Variants in GANAB observed in about 807,000 individuals in gnomAD.
GANAB encodes the protein neutral alpha-glucosidase AB.
A neutral mutation model predicts 129.9 loss-of-function variants in GANAB; 35 were observed. The ratio of observed to expected loss-of-function variants is 0.27; its 90% confidence interval spans 0.21 to 0.36. The LOEUF is 0.36. GANAB is among the 10% of genes least tolerant of loss of function. GANAB has a pLI of 1.00. For synonymous variants in GANAB, 482 were observed against 451.8 expected (o/e 1.07, Z -0.85); for missense variants, 939 against 1,221.0 (o/e 0.77, Z 3.44).
chr11:62,639,376 T>C lies in GANAB; in HGVS notation c.235A>G (p.Ile79Val), dbSNP rs753868306. ...LGPDSLTVHL[I>V]HEVTKVLLVL... ...CTCCTGACCTTGGTGACCTCATGGA[T>C]CAGATGGACCGTGAGGGAATCAGGA... The change falls in exon 3 of 24, where the codon ATC (isoleucine) becomes GTC (valine). Residue 79 changes from isoleucine (I) to valine (V), a missense_variant. This residue lies in a region of GANAB where 321 missense variants were observed against 329.1 expected (regional missense o/e 0.98). Transcript: ENST00000356638. 1 of 1,607,208 alleles carries C rather than the reference T, an allele frequency of 6.2e-7. No homozygotes were observed. The highest frequency in any genetic ancestry group is 2.2e-5 in the East Asian group (1 of 44,772).
chr11:62,630,915 A>C, intron 10 of GANAB, 79 bp from the exon 11 acceptor site: 1 of 1,476,192 alleles, frequency 6.8e-7, no homozygotes, highest in Non-Finnish European at 9.4e-7. Flanking sequence ...TGTGAACTAG[A>C]GGCAGGCTGA....
intron 18 of GANAB, 55 bp from the exon 19 acceptor site, chr11:62,627,179 A>G (rs1249765503): frequency 6.7e-7 from 1 of 1,503,510 alleles, no homozygotes; most frequent in Non-Finnish European, 9.3e-7. Flanking sequence ...AGAACAGGGA[A>G]CACCAAAGTG....
chr11:62,627,404 T>C, intron 17 of GANAB, 51 bp from the exon 18 acceptor site: 1 of 975,132 alleles, frequency 1.0e-6, no homozygotes, highest in South Asian at 1.3e-5. Flanking sequence ...TTGGCACAAG[T>C]CAGAAATGCT....
chr11:62,625,965 G>A, intron 23 of GANAB, 41 bp from the exon 24 acceptor site: 2 of 1,468,160 alleles, frequency 1.4e-6, no homozygotes, highest in Non-Finnish European at 1.9e-6. Context: ...ATACCAATGG[G>A]CTATAGCATA....
In GANAB at chr11:62,633,468, C is replaced by G. The variant is rs2134496880; in HGVS notation, c.607G>C (p.Glu203Gln). 2.5e-6 allele frequency: 4 copies of G among 1,614,040 alleles called. No homozygotes were observed. The highest frequency in any genetic ancestry group is 3.4e-6 in the Non-Finnish European group (4 of 1,180,030). ...GCCTTGTCGCCATCCCTGGGTGTTT[C>G]CTCAGGCTGGGCCCCATCGCCCTCA... is the stretch of plus-strand genomic sequence containing the variant. ...PAEGDGAQPE[E>Q]TPRDGDKPEE... Residue 203 changes from glutamate (E) to glutamine (Q), a missense_variant, in exon 6 of 24, where the codon GAA becomes CAA. Coordinates refer to ENST00000356638, the MANE Select transcript of GANAB (RefSeq NM_198334.3).
intron 17 of GANAB, 118 bp downstream of exon 17, chr11:62,628,651 G>C (rs890375477): frequency 9.4e-7 from 1 of 1,069,132 alleles, no homozygotes; most frequent in Admixed American, 2.1e-5. Flanking sequence ...TGACCTTAAT[G>C]ATTTTCCATC....
chr11:62,642,683 C>CA (rs1491456777), intron 1 of GANAB, among the ~76,000 whole-genome samples: 2 of 151,900 alleles, frequency 1.3e-5, no homozygotes, highest in Non-Finnish European at 2.9e-5. Flanking sequence ...CCGCCCGTCT[C>CA]AGTCTCCCAC....
chr11:62,627,967 C>A (rs1943477219), intron 17 of GANAB, among the ~76,000 whole-genome samples: 2 of 152,214 alleles, frequency 1.3e-5, no homozygotes, highest in Non-Finnish European at 2.9e-5. Flanking sequence ...GGGTTGCAAC[C>A]CTGGCTTGCA....
chr11:62,639,779 G>C (rs769026730), intron 1 of GANAB, 48 bp from the exon 2 acceptor site: 9 of 1,258,626 alleles, frequency 7.2e-6, no homozygotes, highest in Non-Finnish European at 1.0e-5. Flanking sequence ...GAGGTCAGAA[G>C]GGGCCCCCTT....
At chr11:62,631,932 TG>T (rs1943705512) in intron 9 of GANAB, among the ~76,000 whole-genome samples, 1 of 150,346 alleles carries the variant, frequency 6.7e-6, no homozygotes, top group Non-Finnish European at 1.5e-5. Flanking sequence ...TTGCCTCCTT[TG>T]TTATGTGTTT....
chr11:62,626,630 G>A lies in GANAB; in HGVS notation c.2452C>T (p.Arg818Trp). 1.9e-6 allele frequency: 3 copies of A among 1,612,234 alleles called. No individual in the cohort carries two copies. The highest frequency in any genetic ancestry group is 2.5e-6 in the Non-Finnish European group (3 of 1,178,912). Reference protein sequence around the residue: ...TIVPRWMRVRRSSECMKDDPI... With the variant: ...TIVPRWMRVRWSSECMKDDPI... The stretch of plus-strand genomic sequence containing the variant: ...TCATCCTTCATACATTCTGAAGACC[G>A]CCGCACTCGCATCCATCGAGGCACG... The change falls in exon 21 of 24, where the codon CGG (arginine) becomes TGG (tryptophan). Residue 818 changes from arginine (R) to tryptophan (W), a missense_variant. Arg to Trp is a moderately radical substitution (Grantham distance 101). Transcript: ENST00000356638.
rs749885606 is a variant in GANAB at position 62,634,874 on chromosome 11, A to G, written c.507T>C (p.Ser169=). The change falls in exon 5 of 24, where the codon AGT becomes AGC. Residue 169 remains serine, a synonymous_variant. Transcript: ENST00000356638. ...DLLEDRSLLL[S]VNARGLLEFE... is the part of the protein sequence containing the mutation. ...ACTCCAAGAGTCCTCGGGCATTGAC[A>G]CTAAGCAAAAGACTTCGGTCCTCTA... is the stretch of plus-strand genomic sequence containing the variant. 5.6e-6 allele frequency: 9 copies of G among 1,614,024 alleles called. No individual in the cohort carries two copies. In the East Asian group the frequency reaches 1.3e-4, roughly 24 times the overall value.
chr11:62,646,349 G>A (rs1456600436), intron 1 of GANAB, among the ~76,000 whole-genome samples: 3 of 152,204 alleles, frequency 2.0e-5, no homozygotes, highest in African/African-American at 2.4e-5. Flanking sequence ...TAAACCGCCG[G>A]GCGGGAGCCC....
At chr11:62,644,737 C>T (rs1457232807) in intron 1 of GANAB, among the ~76,000 whole-genome samples, 3 of 152,130 alleles carry the variant, frequency 2.0e-5, no homozygotes, top group Non-Finnish European at 4.4e-5. Context: ...GCAGGAGAAT[C>T]GCTTGAACTC....
At chr11:62,627,526 G>A (rs936908058) in intron 17 of GANAB, among the ~76,000 whole-genome samples, 173 bp from the exon 18 acceptor site, 4 of 152,176 alleles carry the variant, frequency 2.6e-5, no homozygotes, top group Non-Finnish European at 5.9e-5. Flanking sequence ...GAGGTCAGGA[G>A]TTCGAGATCA....
At position 62,635,432 on chromosome 11, in the gene GANAB, G is replaced by A. The variant is rs963246950; in HGVS notation, c.381-432C>T. The stretch of plus-strand genomic sequence containing the variant: ...TGACCTCAGGTGATCCACCCACCTC[G>A]GCCTCGCAAAGTGCTGGGATTACAG... On this transcript the variant is annotated intron_variant, in intron 4 of 23. Coordinates refer to ENST00000356638, the MANE Select transcript of GANAB (RefSeq NM_198334.3). Among the ~76,000 whole-genome samples, 77 of 151,958 alleles carry A rather than the reference G, an allele frequency of 5.1e-4. 1 individual carries two copies. Among genetic ancestry groups the A allele is most frequent in the African/African-American group, 1.6e-3 (67 of 41,464 alleles).
intron 17 of GANAB, among the ~76,000 whole-genome samples, chr11:62,627,728 T>C (rs1166818327): frequency 2.0e-5 from 3 of 151,574 alleles, no homozygotes; most frequent in Non-Finnish European, 4.4e-5. Flanking sequence ...GAGTGAGACT[T>C]TGTCTCAAAA....
Position 62,633,114 on chromosome 11 carries a change from C to T in GANAB, c.719-13G>A. 3 of 1,607,862 alleles carry T rather than the reference C, an allele frequency of 1.9e-6. No individual in the cohort carries two copies. Among genetic ancestry groups the T allele is most frequent in the South Asian group, 1.1e-5 (1 of 90,942 alleles). On this transcript the variant is annotated splice_polypyrimidine_tract_variant and intron_variant, in intron 7 of 23. Transcript: ENST00000356638. ...ACAGACATGGGGCCTGGAAGAAAAACAAACAAGCTTCAGAGCTTCTGCTTG... is the reference window on the plus strand; with the variant it reads ...ACAGACATGGGGCCTGGAAGAAAAATAAACAAGCTTCAGAGCTTCTGCTTG...
At chr11:62,633,756 C>T (rs959861641) in intron 5 of GANAB, 5 of 571,466 alleles carry the variant, frequency 8.7e-6, no homozygotes, top group South Asian at 2.1e-5. Context: ...GGCCTGAACA[C>T]CAGCCTCTGT....
Sources: gnomAD v4.1 joint callset for allele counts (sites outside exome capture counted in the v4.1 genomes callset) on GRCh38, gnomAD v4.1.1 for gene constraint, gnomAD v4.1.1 regional missense constraint, MANE v1.5 for transcripts, NCBI Gene and HGNC (gene_info 2026-07-23, HGNC 2026-07-21) for gene names.